GRM7: variants seen among roughly 807,000 people sequenced by gnomAD.
GRM7 encodes the protein glutamate metabotropic receptor 7, also known as metabotropic glutamate receptor 7.
A neutral mutation model predicts 84.5 loss-of-function variants in GRM7; 35 were observed. The ratio of observed to expected loss-of-function variants is 0.41; its 90% CI spans 0.32 to 0.55. The LOEUF is 0.55. Among genes scored for constraint, GRM7 ranks in the 20% least tolerant of loss-of-function variants. GRM7 has a pLI of 0.19. For synonymous variants in GRM7, 487 were observed against 455.1 expected, an observed-to-expected ratio of 1.07 and a Z score of -0.89; for missense variants, 1,003 against 1,194.6, an observed-to-expected ratio of 0.84 and a Z score of 2.36.
intron 2 of GRM7, among the ~76,000 whole-genome samples, chr3:7,232,447 G>C (rs2124902985): frequency 6.6e-6 from 1 of 152,228 alleles, no homozygotes; most frequent in South Asian, 2.1e-4. Flanking sequence ...TTGTGGATCA[G>C]ATCGAGTTAG....
At chr3:7,132,704 T>C (rs899438965) in intron 1 of GRM7, among the ~76,000 whole-genome samples, 1 of 152,242 alleles carries the variant, frequency 6.6e-6, no homozygotes, top group African/African-American at 2.4e-5. Flanking sequence ...ACAGATTTAA[T>C]TTCACCTTCT....
At chr3:7,451,409 T>C (rs1285939817) in intron 5 of GRM7, among the ~76,000 whole-genome samples, 1 of 152,150 alleles carries the variant, frequency 6.6e-6, no homozygotes, top group African/African-American at 2.4e-5. Flanking sequence ...AGCGCCTCGG[T>C]GTGACAAACA....
chr3:6,929,955 C>G (rs1697442477), intron 1 of GRM7, among the ~76,000 whole-genome samples: 1 of 152,298 alleles, frequency 6.6e-6, no homozygotes, highest in Admixed American at 6.5e-5. Flanking sequence ...AAGGCAGACC[C>G]CACAAACGTG....
intron 2 of GRM7, among the ~76,000 whole-genome samples, chr3:7,183,475 A>G (rs535424623): frequency 6.6e-6 from 1 of 152,220 alleles, no homozygotes; most frequent in East Asian, 1.9e-4. Context: ...AAAAATACAA[A>G]AACTAGCAGG....
intron 7 of GRM7, among the ~76,000 whole-genome samples, chr3:7,507,917 C>T (rs908674977): frequency 1.1e-4 from 16 of 152,080 alleles, no homozygotes; most frequent in African/African-American, 2.4e-4. Context: ...TCCATTCTTC[C>T]GATAACTGCA....
At chr3:7,701,338 T>C (rs1332200452) in intron 9 of GRM7, among the ~76,000 whole-genome samples, 25 of 144,160 alleles carry the variant, frequency 1.7e-4, no homozygotes, top group African/African-American at 6.0e-4. Context: ...TCTCACTCTG[T>C]CACACAGGCT....
chr3:6,953,023 C>T (rs1320283391), intron 1 of GRM7, among the ~76,000 whole-genome samples: 1 of 152,120 alleles, frequency 6.6e-6, no homozygotes, highest in Non-Finnish European at 1.5e-5. Flanking sequence ...TTAGTGAGGG[C>T]AATATGAGCT....
chr3:7,294,246 G>A lies in GRM7; in HGVS notation c.737-4438G>A, dbSNP rs556510956. On this transcript the variant is annotated intron_variant, in intron 2 of 9. Coordinates refer to ENST00000357716, the MANE Select transcript of GRM7 (RefSeq NM_000844.4). ...TGCCAAATGGAGTTTGCTCCAATTT[G>A]CTTAATCACTCAGCTGTAATTGAAT... Among the ~76,000 whole-genome samples the A allele has an allele frequency of 3.3e-5, 5 of 152,246 alleles. No homozygotes were observed. The East Asian group carries it at 7.8e-4, about 24-fold the overall frequency.
intron 8 of GRM7, among the ~76,000 whole-genome samples, chr3:7,611,286 C>T (rs372214592): frequency 1.4e-4 from 22 of 152,200 alleles, no homozygotes; most frequent in African/African-American, 3.4e-4. Flanking sequence ...TATATGAAAC[C>T]GTTGCCGTAG....
chr3:7,729,623 A>G (rs1702241361), intron 9 of GRM7, among the ~76,000 whole-genome samples: 1 of 152,228 alleles, frequency 6.6e-6, no homozygotes, highest in African/African-American at 2.4e-5. Context: ...CTCTAGAAGC[A>G]GTGGTTCAGT....
intron 1 of GRM7, among the ~76,000 whole-genome samples, chr3:7,093,607 G>A (rs543687311): frequency 7.2e-6 from 1 of 139,244 alleles, no homozygotes; most frequent in African/African-American, 2.7e-5. Context: ...AACCCAGGAG[G>A]CAGAGGTTGC....
chr3:7,288,362 T>C (rs1306367177), intron 2 of GRM7, among the ~76,000 whole-genome samples: 1 of 152,112 alleles, frequency 6.6e-6, no homozygotes, highest in East Asian at 1.9e-4. Context: ...TATTGACTCA[T>C]TGATAGGAAT....
intron 1 of GRM7, among the ~76,000 whole-genome samples, chr3:7,069,399 C>T (rs569624566): frequency 3.9e-5 from 6 of 152,088 alleles, no homozygotes; most frequent in South Asian, 2.1e-4. Context: ...ACAAATACTC[C>T]GTCCTTTCTT....
rs140154887 is a variant in GRM7 at position 7,740,492 on chromosome 3, C to T, written c.*86C>T. The T allele has an allele frequency of 1.3e-3, 940 of 714,916 alleles. 3 individuals carry two copies. The highest frequency in any genetic ancestry group is 2.8e-3 in the South Asian group (129 of 46,484). 44.3% of individuals were successfully genotyped at this position (714,916 alleles called of 1,614,324 possible). ...TGGCATAGGACTCTTTGGTCCTACC[C>T]GCTTCCCATCACCGGAGGAGCTTCC... On this transcript the variant is annotated 3_prime_UTR_variant, in exon 10 of 10. Coordinates refer to ENST00000357716, the MANE Select transcript of GRM7 (RefSeq NM_000844.4).
At chr3:7,706,234 G>T (rs960774852) in intron 9 of GRM7, among the ~76,000 whole-genome samples, 1 of 152,096 alleles carries the variant, frequency 6.6e-6, no homozygotes, top group African/African-American at 2.4e-5. Flanking sequence ...TTGTATTTTT[G>T]ATCACTTATC....
At chr3:6,982,714 C>A (rs947298620) in intron 1 of GRM7, among the ~76,000 whole-genome samples, 1 of 152,160 alleles carries the variant, frequency 6.6e-6, no homozygotes, top group Non-Finnish European at 1.5e-5. Context: ...CCTTTTGAGA[C>A]TTCCATCATA....
intron 1 of GRM7, among the ~76,000 whole-genome samples, chr3:7,135,143 A>C (rs1248538716): frequency 6.6e-6 from 1 of 152,218 alleles, no homozygotes; most frequent in Non-Finnish European, 1.5e-5. Flanking sequence ...GTTATCTCTC[A>C]GTAGTTTGGA....
Position 7,708,275 on chromosome 3 carries a change from T to C in GRM7, c.2698+27980T>C, listed in dbSNP as rs115756748. ...TTATATAGAGTAAAGCCTAGTTTCC[T>C]TAAAAATATGAGTTGATGTAAGGTT... On this transcript the variant is annotated intron_variant, in intron 9 of 9. Coordinates refer to ENST00000357716, the MANE Select transcript of GRM7 (RefSeq NM_000844.4). Among the ~76,000 whole-genome samples, 1,094 of 152,208 alleles carry C rather than the reference T, an allele frequency of 7.2e-3. 13 individuals are homozygous for C. The highest frequency in any genetic ancestry group is 0.025 in the African/African-American group (1,056 of 41,544).
chr3:7,495,399 CT>C (rs1181649466), intron 7 of GRM7, among the ~76,000 whole-genome samples: 2 of 152,034 alleles, frequency 1.3e-5, no homozygotes, highest in Non-Finnish European at 2.9e-5. Context: ...TTAAAAGAGG[CT>C]CAGGGACAAA....
Sources: allele counts gnomAD v4.1 joint callset (sites outside exome capture counted in the v4.1 genomes callset), GRCh38; gene constraint gnomAD v4.1.1; transcripts MANE v1.5; gene names NCBI Gene and HGNC (gene_info 2026-07-23, HGNC 2026-07-21).